EIF4G3: variants seen among roughly 807,000 people sequenced by gnomAD.
EIF4G3 encodes the protein eukaryotic translation initiation factor 4 gamma 3, also known as eIF-4-gamma 3.
In EIF4G3, 34 loss-of-function variants were observed where a neutral mutation model predicts 186.4. The ratio of observed to expected loss-of-function variants is 0.18; its 90% CI spans 0.14 to 0.24. The LOEUF is 0.24. Among genes scored for constraint, EIF4G3 ranks in the 10% least tolerant of loss-of-function variants. The pLI is 1.00. For synonymous variants in EIF4G3, 673 were observed against 679.5 expected (o/e 0.99, Z 0.15); for missense variants, 1,536 against 1,948.5 (o/e 0.79, Z 3.99).
chr1:20,909,778 ATTTTTTTTT>A (rs35293207), intron 14 of EIF4G3, among the ~76,000 whole-genome samples: 5 of 129,366 alleles, frequency 3.9e-5, no homozygotes, highest in African/African-American at 8.7e-5. Context: ...CAATCTGCTA[ATTTTTTTTT>A]TTTTTTTTTT....
chr1:20,854,342 C>T (rs1486340541), intron 26 of EIF4G3, among the ~76,000 whole-genome samples: 1 of 151,844 alleles, frequency 6.6e-6, no homozygotes, highest in African/African-American at 2.4e-5. Context: ...AATTTAGGGT[C>T]CCAGTAATTT....
At chr1:20,869,817 G>A (rs1571961147) in intron 20 of EIF4G3, among the ~76,000 whole-genome samples, 1 of 146,928 alleles carries the variant, frequency 6.8e-6, no homozygotes, top group Admixed American at 6.8e-5. Context: ...ACAGCAATAT[G>A]GTAATTAAAA....
At chr1:20,932,519 T>C (rs780264342) in intron 14 of EIF4G3, among the ~76,000 whole-genome samples, 2 of 152,142 alleles carry the variant, frequency 1.3e-5, no homozygotes, top group Non-Finnish European at 1.5e-5. Context: ...GGGAGACGTA[T>C]GACTCTTCCT....
At chr1:20,981,250 A>AAT (rs2077893762) in intron 8 of EIF4G3, 23 bp from the exon 9 acceptor site, 9 of 1,226,694 alleles carry the variant, frequency 7.3e-6, no homozygotes, top group South Asian at 3.4e-5. Flanking sequence ...GAAAAAAAAA[A>AAT]TTTTTTTTTT....
At chr1:20,926,939 GTAC>G (rs1412574589) in intron 14 of EIF4G3, among the ~76,000 whole-genome samples, 3 of 151,788 alleles carry the variant, frequency 2.0e-5, no homozygotes, top group Non-Finnish European at 4.4e-5. Flanking sequence ...TATGCATAAA[GTAC>G]TACGAGTATT....
chr1:21,025,045 A>G (rs146059050), intron 4 of EIF4G3, among the ~76,000 whole-genome samples: 2 of 152,316 alleles, frequency 1.3e-5, no homozygotes, highest in African/African-American at 2.4e-5. Context: ...GTGAGCTTGC[A>G]GTCAGCCATA....
chr1:21,000,769 C>T (rs2083337842), intron 6 of EIF4G3, among the ~76,000 whole-genome samples: 1 of 151,736 alleles, frequency 6.6e-6, no homozygotes, highest in African/African-American at 2.4e-5. Flanking sequence ...TGGTCACTAG[C>T]AGAGCAGATG....
chr1:20,841,863 G>A (rs189772873), intron 29 of EIF4G3, among the ~76,000 whole-genome samples: 320 of 149,986 alleles, frequency 2.1e-3, no homozygotes, highest in African/African-American at 7.6e-3. Flanking sequence ...CTTCCAAGGG[G>A]GAGGATGTAG....
chr1:21,017,463 C>T (rs1044603950), intron 4 of EIF4G3, among the ~76,000 whole-genome samples: 2 of 151,772 alleles, frequency 1.3e-5, no homozygotes, highest in Non-Finnish European at 2.9e-5. Flanking sequence ...TCCGTCTCTA[C>T]TAAAAATGCA....
intron 12 of EIF4G3, among the ~76,000 whole-genome samples, chr1:20,965,290 A>T (rs544524570): frequency 6.6e-6 from 1 of 152,248 alleles, no homozygotes; most frequent in Admixed American, 6.5e-5. Context: ...TGTATACTCA[A>T]TATTATGTTT....
chr1:21,053,090 A>G, intron 3 of EIF4G3, among the ~76,000 whole-genome samples: 1 of 148,246 alleles, frequency 6.7e-6, no homozygotes, highest in Non-Finnish European at 1.5e-5. Context: ...CAGTCTGGAA[A>G]GTGAGGAGCG....
intron 2 of EIF4G3, among the ~76,000 whole-genome samples, chr1:21,173,299 C>G (rs1013231374): frequency 2.0e-5 from 3 of 151,766 alleles, no homozygotes; most frequent in African/African-American, 7.2e-5. Flanking sequence ...TGGGTTCAAG[C>G]GATTCTCCTG....
At chr1:20,890,800 C>T (rs2085765582) in intron 18 of EIF4G3, among the ~76,000 whole-genome samples, 15 of 152,142 alleles carry the variant, frequency 9.9e-5, no homozygotes, top group Admixed American at 9.8e-4. Flanking sequence ...TATGACATTC[C>T]CATCTGTATC....
Position 21,007,530 on chromosome 1 carries a change from A to AAACAAACAAAC in EIF4G3, c.-66-4723_-66-4722insGTTTGTTTGTT, listed in dbSNP as rs1553128356. 9.3e-4 allele frequency among the ~76,000 whole-genome samples: 133 copies of AAACAAACAAAC among 142,786 alleles called. 5 individuals carry two copies. The highest frequency in any genetic ancestry group is 3.4e-3 in the African/African-American group (131 of 38,424). The allele number at this position is 142,786 out of a possible 152,430, so 93.7% of individuals were successfully genotyped here. On this transcript the variant is annotated intron_variant, in intron 4 of 36. Transcript: ENST00000602326. Reference sequence around the variant, plus strand: ...GGCCCCTCCTTAAAAAAAAAAAAAAAAAAAAAACACACTCAAAAACAAAAA... The same window carrying AAACAAACAAAC: ...GGCCCCTCCTTAAAAAAAAAAAAAAAAACAAACAAACAAAAAAACACACTCAAAAACAAAAA...
chr1:21,029,621 G>GT (rs1553156920), intron 4 of EIF4G3, among the ~76,000 whole-genome samples: 1 of 151,938 alleles, frequency 6.6e-6, no homozygotes, highest in Non-Finnish European at 1.5e-5. Context: ...TAAACCATTA[G>GT]TTTGATTTTT....
At chr1:20,845,247 G>C (rs74208487) in intron 29 of EIF4G3, among the ~76,000 whole-genome samples, 2 of 152,170 alleles carry the variant, frequency 1.3e-5, no homozygotes, top group African/African-American at 4.8e-5. Flanking sequence ...TGTCAGGTTT[G>C]TTGAAGATAA....
chr1:20,860,093 T>G (rs996666775), intron 24 of EIF4G3, among the ~76,000 whole-genome samples: 10 of 152,232 alleles, frequency 6.6e-5, no homozygotes, highest in African/African-American at 2.4e-4. Flanking sequence ...GGGAAGTAAC[T>G]ACATTTTCCA....
chr1:20,820,497 A>G (rs901073013), intron 33 of EIF4G3, among the ~76,000 whole-genome samples: 2 of 152,160 alleles, frequency 1.3e-5, no homozygotes, highest in African/African-American at 4.8e-5. Context: ...CAGGAGGCAG[A>G]CAGAGTCCTG....
chr1:20,904,023 G>A (rs1254560729), intron 15 of EIF4G3, among the ~76,000 whole-genome samples: 1 of 152,186 alleles, frequency 6.6e-6, no homozygotes, highest in Admixed American at 6.5e-5. Context: ...CAAGGAAATT[G>A]TTAGAGTAAT....
Sources: gnomAD v4.1 joint callset for allele counts (sites outside exome capture counted in the v4.1 genomes callset) on GRCh38, gnomAD v4.1.1 for gene constraint, MANE v1.5 for transcripts, NCBI Gene and HGNC (gene_info 2026-07-23, HGNC 2026-07-21) for gene names.